The following RYR2 variants were observed in gnomAD, a reference collection of about 807,000 sequenced individuals.
RYR2 encodes the protein ryanodine receptor 2.
A neutral mutation model predicts 601.1 loss-of-function variants in RYR2; 227 were observed. The observed-to-expected ratio is 0.38, with a 90% CI of 0.34 to 0.42. The LOEUF (loss-of-function observed/expected upper bound fraction) is 0.42, where lower values mean the gene tolerates loss of function less well. RYR2 is among the 10% of genes least tolerant of loss of function. RYR2 has a pLI of 1.00. For missense variants in RYR2, 4,646 were observed against 6,156.5 expected (o/e 0.75, Z 8.21); for synonymous variants, 2,223 against 2,175.1 (o/e 1.02, Z -0.61).
At chr1:237,367,143 G>T (rs992279304) in intron 5 of RYR2, among the ~76,000 whole-genome samples, 2 of 152,098 alleles carry the variant, frequency 1.3e-5, no homozygotes, top group Admixed American at 1.3e-4. Context: ...GCCCAGGCTG[G>T]AGTGCAGCGG....
intron 100 of RYR2, among the ~76,000 whole-genome samples, chr1:237,812,845 C>T (rs1283753471): frequency 6.6e-6 from 1 of 151,960 alleles, no homozygotes; most frequent in Non-Finnish European, 1.5e-5. Flanking sequence ...ATCTCCTATC[C>T]TTCCTTTTGC....
chr1:237,808,319 C>T (rs935078619), intron 99 of RYR2, among the ~76,000 whole-genome samples: 1 of 152,070 alleles, frequency 6.6e-6, no homozygotes, highest in African/African-American at 2.4e-5. Flanking sequence ...ATAACAAAAA[C>T]GAAATGCATT....
At chr1:237,669,493 G>A (rs1429554730) in intron 58 of RYR2, among the ~76,000 whole-genome samples, 5 of 140,828 alleles carry the variant, frequency 3.6e-5, no homozygotes, top group Admixed American at 2.9e-4. Context: ...GGGGCGGCTG[G>A]CCGGGCGGGG....
intron 1 of RYR2, among the ~76,000 whole-genome samples, chr1:237,164,673 A>G (rs939844617): frequency 6.6e-5 from 10 of 152,210 alleles, no homozygotes; most frequent in African/African-American, 2.2e-4. Flanking sequence ...GCCAGAGGGC[A>G]CTTGGTGAGC....
intron 38 of RYR2, among the ~76,000 whole-genome samples, chr1:237,620,757 A>G (rs895227280): frequency 6.6e-6 from 1 of 152,100 alleles, no homozygotes; most frequent in Non-Finnish European, 1.5e-5. Context: ...GAATTAAACA[A>G]CAAAGCAAAA....
At chr1:237,128,545 A>G (rs1488204204) in intron 1 of RYR2, among the ~76,000 whole-genome samples, 1 of 152,232 alleles carries the variant, frequency 6.6e-6, no homozygotes, top group African/African-American at 2.4e-5. Flanking sequence ...GAGAGGTGGC[A>G]GTGCAGATTG....
At chr1:237,672,165 G>T (rs895973087) in intron 58 of RYR2, among the ~76,000 whole-genome samples, 3 of 152,200 alleles carry the variant, frequency 2.0e-5, no homozygotes, top group Non-Finnish European at 4.4e-5. Flanking sequence ...CAGGCTTTCA[G>T]ATCCCTTCGC....
intron 2 of RYR2, among the ~76,000 whole-genome samples, chr1:237,302,314 G>C (rs1379643924): frequency 6.6e-6 from 1 of 152,096 alleles, no homozygotes; most frequent in African/African-American, 2.4e-5. Context: ...CTTAACATAA[G>C]TCTTTAATGT....
chr1:237,687,242 T>C (rs1404983768), intron 62 of RYR2, among the ~76,000 whole-genome samples: 1 of 152,096 alleles, frequency 6.6e-6, no homozygotes, highest in Non-Finnish European at 1.5e-5. Flanking sequence ...AGAGATGCAC[T>C]CAAAGACTCT....
In RYR2 at chr1:237,593,599, G is replaced by A; in HGVS notation, c.4399G>A (p.Val1467Ile). Residue 1467 changes from valine to isoleucine, a missense_variant, in exon 33 of 105, where the codon GTT becomes ATT. Coordinates refer to ENST00000366574, the MANE Select transcript of RYR2 (RefSeq NM_001035.3). ...CTTGGACAGAGTTCGCACAGTAACAGTTACTCTAGGAGATGAAAAAGGAAA... is the reference window on the plus strand; with the variant it reads ...CTTGGACAGAGTTCGCACAGTAACAATTACTCTAGGAGATGAAAAAGGAAA... ...FDLDRVRTVT[V>I]TLGDEKGKVH... is the part of the protein sequence containing the mutation. 1 of 1,613,818 alleles carries A rather than the reference G, an allele frequency of 6.2e-7. No homozygotes were observed. Among genetic ancestry groups the A allele is most frequent in the Non-Finnish European group, 8.5e-7 (1 of 1,179,830 alleles).
intron 14 of RYR2, among the ~76,000 whole-genome samples, chr1:237,451,548 T>C (rs1658115608): frequency 7.1e-6 from 1 of 141,106 alleles, no homozygotes; most frequent in Non-Finnish European, 1.5e-5. Flanking sequence ...ACCACTGCAC[T>C]CCAGCCTGGG....
intron 1 of RYR2, among the ~76,000 whole-genome samples, chr1:237,074,322 C>A (rs1486818514): frequency 6.6e-6 from 1 of 152,022 alleles, no homozygotes; most frequent in East Asian, 1.9e-4. Context: ...GGCTAGGTTT[C>A]AAAAAATAGA....
chr1:237,168,973 G>C (rs1677029779), intron 1 of RYR2, among the ~76,000 whole-genome samples: 2 of 152,174 alleles, frequency 1.3e-5, no homozygotes, highest in African/African-American at 4.8e-5. Flanking sequence ...AAAGAACAGA[G>C]TTGATTACAT....
intron 1 of RYR2, among the ~76,000 whole-genome samples, chr1:237,242,456 C>G (rs1015718812): frequency 1.3e-5 from 2 of 151,902 alleles, no homozygotes; most frequent in East Asian, 1.9e-4. Context: ...AATGCAAGGA[C>G]AGTAGAAAGC....
In RYR2 at chr1:237,465,997, T is replaced by G. The variant is rs186035715; in HGVS notation, c.1613-3095T>G. The stretch of plus-strand genomic sequence containing the variant: ...AATATGTGCGAAAAAGCTTTTGGTC[T>G]TTGACATTTCAATATTACTCATGAT... On this transcript the variant is annotated intron_variant, in intron 16 of 104. Transcript: ENST00000366574. Among the ~76,000 whole-genome samples, 52 of 152,320 alleles carry G rather than the reference T, an allele frequency of 3.4e-4. 1 individual carries two copies. Among genetic ancestry groups the G allele is most frequent in the African/African-American group, 1.1e-3 (46 of 41,574 alleles).
chr1:237,435,539 T>C (rs1252404339), intron 12 of RYR2, among the ~76,000 whole-genome samples: 1 of 152,088 alleles, frequency 6.6e-6, no homozygotes, highest in African/African-American at 2.4e-5. Context: ...GGGGCATTGA[T>C]ACACTGATAA....
At chr1:237,082,556 TAA>T (rs71178387) in intron 1 of RYR2, among the ~76,000 whole-genome samples, 1,836 of 112,776 alleles carry the variant, frequency 0.016, 26 homozygotes, top group Middle Eastern at 0.022. Flanking sequence ...TATATATATA[TAA>T]AATCGGATAT....
chr1:237,738,387 A>T (rs753269597), intron 79 of RYR2, among the ~76,000 whole-genome samples: 4 of 152,176 alleles, frequency 2.6e-5, no homozygotes, highest in Non-Finnish European at 4.4e-5. Flanking sequence ...CCCACTTCTG[A>T]CAAGAAACAA....
chr1:237,687,587 G>GTTGCATGGATGCATGT, intron 63 of RYR2, 83 bp downstream of exon 63: 1 of 1,028,096 alleles, frequency 9.7e-7, no homozygotes. Context: ...GTGCTGCTAT[G>GTTGCATGGATGCATGT]TTGCATGGAT....
Sources: gnomAD v4.1 joint callset for allele counts (sites outside exome capture counted in the v4.1 genomes callset) on GRCh38, gnomAD v4.1.1 for gene constraint, MANE v1.5 for transcripts, NCBI Gene and HGNC (gene_info 2026-07-23, HGNC 2026-07-21) for gene names.